The following SELENON variants were observed in gnomAD, a reference collection of about 807,000 sequenced individuals.
The protein encoded by SELENON is selenoprotein N, 1.
A neutral mutation model predicts 59.5 loss-of-function variants in SELENON; 44 were observed. That is an observed-to-expected ratio of 0.74 (90% CI 0.58 to 0.95). The LOEUF (loss-of-function observed/expected upper bound fraction) is 0.95. SELENON is among the 40% of genes least tolerant of loss of function. The pLI is 0.00. For synonymous variants in SELENON, 320 were observed against 305.6 expected (o/e 1.05, Z -0.49); for missense variants, 674 against 721.4 (o/e 0.93, Z 0.75).
At chr1:25,806,819 CTTT>C (rs889213068) in intron 4 of SELENON, among the ~76,000 whole-genome samples, 14 of 126,944 alleles carry the variant, frequency 1.1e-4, no homozygotes, top group Non-Finnish European at 2.2e-4. Context: ...GAGCCCCTTT[CTTT>C]TTTTTTTTTT....
chr1:25,800,894 A>G (rs924640593), intron 1 of SELENON, 149 bp from the exon 2 acceptor site: 1 of 766,120 alleles, frequency 1.3e-6, no homozygotes, highest in Admixed American at 1.8e-5. Context: ...GGCAGTTCAG[A>G]GGCAACATTT....
intron 9 of SELENON, 129 bp downstream of exon 8, chr1:25,812,008 GC>G: frequency 9.8e-7 from 1 of 1,019,478 alleles, no homozygotes; most frequent in Non-Finnish European, 1.5e-6. Context: ...TCACTGTTGG[GC>G]CCAGCTGTGC....
At chr1:25,810,272 ACAG>A (rs971012746) in intron 7 of SELENON, among the ~76,000 whole-genome samples, 1 of 152,208 alleles carries the variant, frequency 6.6e-6, no homozygotes, top group Non-Finnish European at 1.5e-5. Flanking sequence ...GGGCAGAGGA[ACAG>A]CACATCCAAA....
chr1:25,814,784 G>A (rs1013493542), intron 12 of SELENON, among the ~76,000 whole-genome samples: 3 of 152,192 alleles, frequency 2.0e-5, no homozygotes, highest in African/African-American at 7.2e-5. Context: ...TGATCAAAGC[G>A]ACCCCTCATC....
intron 3 of SELENON, among the ~76,000 whole-genome samples, chr1:25,804,469 A>G (rs900103607): frequency 6.7e-6 from 1 of 148,274 alleles, no homozygotes; most frequent in African/African-American, 2.5e-5. Context: ...ACTGGTGACT[A>G]TTACTCACCC....
At position 25,811,960 on chromosome 1, in the gene SELENON, A is replaced by G. The variant is rs11247744; in HGVS notation, c.1281+81A>G. On this transcript the variant is annotated intron_variant, in intron 9 of 12. Coordinates refer to ENST00000361547, the MANE Select transcript of SELENON (RefSeq NM_020451.3). ...GCTGTGGAGCAGCAGCTGGGCACAGACGCTGGTATGTGTGCAGGGCTTGCT... is the reference window on the plus strand; with the variant it reads ...GCTGTGGAGCAGCAGCTGGGCACAGGCGCTGGTATGTGTGCAGGGCTTGCT... 0.79 allele frequency: 1,116,087 copies of G among 1,412,422 alleles called. 443,692 individuals carry two copies. Among genetic ancestry groups the G allele is most frequent in the East Asian group, 0.96 (38,748 of 40,310 alleles). 87.5% of individuals were successfully genotyped at this position (1,412,422 alleles called of 1,614,324 possible). A position where few individuals can be genotyped will look rare whatever the true frequency, so the allele number is the denominator to read the frequency against.
intron 12 of SELENON, among the ~76,000 whole-genome samples, chr1:25,815,016 G>C (rs1028545743): frequency 1.6e-4 from 25 of 152,090 alleles, no homozygotes; most frequent in Admixed American, 1.6e-3. Flanking sequence ...GGCTGGGCCT[G>C]GTTGGGAGAA....
At position 25,817,037 on chromosome 1, in the gene SELENON, C is replaced by T. The variant is rs2048017068; in HGVS notation, c.*1319C>T. On this transcript the variant is annotated 3_prime_UTR_variant, in exon 13 of 13. Transcript: ENST00000361547. Reference sequence around the variant, plus strand: ...TAAGGTCTTGAAGTCAGGCTGCCCCCTCCCCAGCCCCCAGTTCTCTCCCCA... The same window carrying T: ...TAAGGTCTTGAAGTCAGGCTGCCCCTTCCCCAGCCCCCAGTTCTCTCCCCA... 6.6e-6 allele frequency: 1 copy of T among 152,288 alleles called. No homozygotes were observed. Among genetic ancestry groups the T allele is most frequent in the South Asian group, 2.1e-4 (1 of 4,844 alleles). 9.4% of individuals were successfully genotyped at this position (152,288 alleles called of 1,614,324 possible).
In SELENON at chr1:25,808,820, C is replaced by T. The variant is rs2047933143; in HGVS notation, c.747+31C>T. ...GACAGCTGGGGTGCGACGTGGGGCC[C>T]CTCCGCCCGAGCCCAGGAGTGGCCA... On this transcript the variant is annotated intron_variant, in intron 5 of 12. Coordinates refer to ENST00000361547, the MANE Select transcript of SELENON (RefSeq NM_020451.3). The T allele has an allele frequency of 1.9e-6, 3 of 1,612,412 alleles. No homozygotes were observed. The African/African-American group carries it at 4.0e-5, about 21-fold the overall frequency.
Position 25,811,869 on chromosome 1 carries a change from C to T in SELENON, c.1271C>T (p.Pro424Leu). ...CGGCGCCTGGAGGTGGCCATGTACC[C>T]CTTCAAGAAGGTGAGGCTGGGCAGG... The change falls in exon 9 of 13, where the codon CCC becomes CTC. Residue 424 changes from proline (P) to leucine (L), a missense_variant. Transcript: ENST00000361547. 2 of 1,564,682 alleles carry T rather than the reference C, an allele frequency of 1.3e-6. No homozygotes were observed. The highest frequency in any genetic ancestry group is 1.7e-6 in the Non-Finnish European group (2 of 1,154,682).
intron 8 of SELENON, 69 bp from the exon 8 acceptor site, chr1:25,811,622 C>T: frequency 1.9e-6 from 3 of 1,605,080 alleles, no homozygotes. Flanking sequence ...TTTGGAGGGT[C>T]TCTAGGGGAG....
intron 3 of SELENON, among the ~76,000 whole-genome samples, chr1:25,802,615 C>G (rs2047869950): frequency 6.6e-6 from 1 of 152,252 alleles, no homozygotes. Context: ...CTCAGCCTCC[C>G]AAAGTGCTGG....
intron 9 of SELENON, among the ~76,000 whole-genome samples, 163 bp from the exon 9 acceptor site, chr1:25,812,524 T>C (rs1269131357): frequency 6.8e-6 from 1 of 147,894 alleles, no homozygotes; most frequent in Non-Finnish European, 1.5e-5. Flanking sequence ...CAAATGTACA[T>C]ATACACAGAC....
At position 25,811,688 on chromosome 1, in the gene SELENON, C is replaced by T; in HGVS notation, c.1093-3C>T. On this transcript the variant is annotated splice_region_variant and splice_polypyrimidine_tract_variant and intron_variant, in intron 8 of 12. Coordinates refer to ENST00000361547, the MANE Select transcript of SELENON (RefSeq NM_020451.3). ...TTCCCCCTACCACTGACCTCTGGCC[C>T]AGATGGAGCTGGAGGCCACGGGCCC... is the stretch of plus-strand genomic sequence containing the variant. 1 of 1,611,228 alleles carries T rather than the reference C, an allele frequency of 6.2e-7. No individual in the cohort carries two copies. Among genetic ancestry groups the T allele is most frequent in the Non-Finnish European group, 8.5e-7 (1 of 1,178,800 alleles).
intron 3 of SELENON, among the ~76,000 whole-genome samples, chr1:25,802,651 C>G (rs1009590903): frequency 6.6e-6 from 1 of 152,218 alleles, no homozygotes; most frequent in Non-Finnish European, 1.5e-5. Context: ...CCACTGTGCC[C>G]GGCCTCCTAT....
chr1:25,813,339 G>T (rs984596204), intron 10 of SELENON, among the ~76,000 whole-genome samples: 10 of 152,178 alleles, frequency 6.6e-5, no homozygotes, highest in Non-Finnish European at 1.5e-4. Flanking sequence ...GGGTGCTTGC[G>T]TCCCACAGTG....
Position 25,811,761 on chromosome 1 carries a change from G to A in SELENON, c.1163G>A (p.Ser388Asn). ...GATGAGGATGGCAGCATGATCGACAGCCACCTGCCTTCAGGGGAGCCCCTG... is the reference window on the plus strand; with the variant it reads ...GATGAGGATGGCAGCATGATCGACAACCACCTGCCTTCAGGGGAGCCCCTG... Residue 388 changes from serine (S) to asparagine (N), a missense_variant, in exon 9 of 13, where the codon AGC (serine) becomes AAC (asparagine). Transcript: ENST00000361547. 1 of 1,597,654 alleles carries A rather than the reference G, an allele frequency of 6.3e-7. No homozygotes were observed. The highest frequency in any genetic ancestry group is 8.5e-7 in the Non-Finnish European group (1 of 1,172,588).
intron 12 of SELENON, 57 bp from the exon 12 acceptor site, chr1:25,815,491 A>C: frequency 2.1e-6 from 3 of 1,429,714 alleles, no homozygotes; most frequent in Non-Finnish European, 2.0e-6. Context: ...AAGAGAGGGC[A>C]CAGGGAGCCT....
chr1:25,807,836 G>A lies in SELENON; in HGVS notation c.538-744G>A, dbSNP rs560515180. On this transcript the variant is annotated intron_variant, in intron 4 of 12. Transcript: ENST00000361547. This position sits in a 1 kb window ranked among gnomAD's most constrained non-coding sequence, Gnocchi z 4.5. ...ACGTGTAGACAGCTCTGTGGTCTCT[G>A]AGCGTCCTCTCCGAGCCATCAGCTT... 9.1e-4 allele frequency among the ~76,000 whole-genome samples: 139 copies of A among 152,270 alleles called. 2 individuals are homozygous for A. Among genetic ancestry groups the A allele is most frequent in the Non-Finnish European group, 2.4e-4 (16 of 68,010 alleles).
Sources: gnomAD v4.1 joint callset for allele counts (sites outside exome capture counted in the v4.1 genomes callset) on GRCh38, gnomAD v4.1.1 for gene constraint, Gnocchi (gnomAD v3.1) non-coding constraint, MANE v1.5 for transcripts, NCBI Gene and HGNC (gene_info 2026-07-23, HGNC 2026-07-21) for gene names.